The following FRMD4A variants were observed in gnomAD, a reference collection of about 807,000 sequenced individuals.
FRMD4A encodes FERM domain-containing protein 4A.
A neutral mutation model predicts 129.1 loss-of-function variants in FRMD4A; 29 were observed. The observed-to-expected ratio is 0.22, with a 90% CI of 0.17 to 0.31. FRMD4A has a LOEUF of 0.31. Ranked by LOEUF, FRMD4A falls within the 10% of genes least tolerant of loss-of-function variation. The pLI is 1.00. For synonymous variants in FRMD4A, 634 were observed against 571.6 expected (o/e 1.11, Z -1.56); for missense variants, 1,272 against 1,375.8 (o/e 0.92, Z 1.19).
Position 13,660,507 on chromosome 10 carries a change from G to C in FRMD4A, c.1707C>G (p.His569Gln). 6.2e-7 allele frequency: 1 copy of C among 1,613,866 alleles called. No homozygotes were observed. The highest frequency in any genetic ancestry group is 8.5e-7 in the Non-Finnish European group (1 of 1,179,758). Reference protein sequence around the residue: ...TSTISPLHSPHKGLPPRPPSH... With the variant: ...TSTISPLHSPQKGLPPRPPSH... The stretch of plus-strand genomic sequence containing the variant: ...ACGGTGGCCGAGGAGGGAGTCCCTT[G>C]TGAGGAGAATGTAGGGGGGATATTG... The change falls in exon 20 of 25, where the codon CAC (histidine) becomes CAG (glutamine). Residue 569 changes from histidine (H) to glutamine (Q), a missense_variant. Coordinates refer to ENST00000357447, the MANE Select transcript of FRMD4A (RefSeq NM_018027.5).
At chr10:14,327,289 C>A (rs559181430) in intron 2 of FRMD4A, among the ~76,000 whole-genome samples, 1 of 152,222 alleles carries the variant, frequency 6.6e-6, no homozygotes, top group Non-Finnish European at 1.5e-5. Flanking sequence ...AGAGTGGGAA[C>A]ACACTCCACC....
chr10:14,065,808 C>T (rs1219931242), intron 2 of FRMD4A, among the ~76,000 whole-genome samples: 1 of 152,132 alleles, frequency 6.6e-6, no homozygotes, highest in African/African-American at 2.4e-5. Context: ...CTGTGTGTCC[C>T]TGGCTGAATG....
intron 2 of FRMD4A, among the ~76,000 whole-genome samples, chr10:14,084,085 C>CA (rs1431829359): frequency 6.6e-6 from 1 of 152,228 alleles, no homozygotes; most frequent in Non-Finnish European, 1.5e-5. Context: ...GTAAAGCACT[C>CA]ACAGCCCTGA....
intron 15 of FRMD4A, chr10:13,684,616 C>T (rs915425832): frequency 7.6e-5 from 75 of 985,414 alleles, no homozygotes; most frequent in Non-Finnish European, 8.9e-5. Context: ...GTTCAGAAGA[C>T]CCTGGGCGAC....
intron 2 of FRMD4A, among the ~76,000 whole-genome samples, chr10:14,185,597 A>G (rs77062204): frequency 6.8e-6 from 1 of 146,964 alleles, no homozygotes; most frequent in African/African-American, 2.5e-5. Context: ...AAAGAGAAAC[A>G]GGTAGAGAGA....
At chr10:14,280,134 T>C (rs1845470227) in intron 2 of FRMD4A, among the ~76,000 whole-genome samples, 1 of 152,130 alleles carries the variant, frequency 6.6e-6, no homozygotes, top group South Asian at 2.1e-4. Flanking sequence ...ATTTATTTTT[T>C]AGGGACGATG....
chr10:14,114,164 T>C (rs1334147230), intron 2 of FRMD4A, among the ~76,000 whole-genome samples: 1 of 152,270 alleles, frequency 6.6e-6, no homozygotes, highest in Non-Finnish European at 1.5e-5. Context: ...TCTGGGAAGA[T>C]GGCTTGGGCT....
intron 2 of FRMD4A, among the ~76,000 whole-genome samples, chr10:13,890,223 A>G (rs1210902513): frequency 1.3e-5 from 2 of 152,246 alleles, no homozygotes; most frequent in African/African-American, 4.8e-5. Flanking sequence ...TTTAAAGACC[A>G]AAAACAAAAC....
At chr10:13,661,091 G>A (rs2082608234) in intron 19 of FRMD4A, among the ~76,000 whole-genome samples, 1 of 152,166 alleles carries the variant, frequency 6.6e-6, no homozygotes, top group South Asian at 2.1e-4. Context: ...GGTGGATCGG[G>A]TGTCTACTCT....
At chr10:13,848,757 A>G (rs1277700810) in intron 3 of FRMD4A, among the ~76,000 whole-genome samples, 4 of 152,168 alleles carry the variant, frequency 2.6e-5, no homozygotes, top group Non-Finnish European at 5.9e-5. Context: ...CAGGGCAGAA[A>G]GAAAGCTTAC....
intron 13 of FRMD4A, among the ~76,000 whole-genome samples, chr10:13,703,646 T>C (rs2087097329): frequency 6.6e-6 from 1 of 152,220 alleles, no homozygotes; most frequent in Non-Finnish European, 1.5e-5. Context: ...TCCTCTTCCC[T>C]ACCTCAAATA....
At chr10:13,918,025 C>G (rs1038594163) in intron 2 of FRMD4A, among the ~76,000 whole-genome samples, 2 of 152,304 alleles carry the variant, frequency 1.3e-5, no homozygotes, top group Non-Finnish European at 2.9e-5. Flanking sequence ...TTTCCCAGTG[C>G]GGAGAATTCA....
At chr10:13,652,384 C>T (rs1257727549) in intron 23 of FRMD4A, 1 of 204,346 alleles carries the variant, frequency 4.9e-6, no homozygotes, top group Non-Finnish European at 9.9e-6. Context: ...CCAAATAATA[C>T]AATCAATCAT....
chr10:14,059,983 G>A (rs748621964), intron 2 of FRMD4A, among the ~76,000 whole-genome samples: 10 of 152,130 alleles, frequency 6.6e-5, no homozygotes, highest in African/African-American at 1.7e-4. Context: ...GTGCTAACTC[G>A]CTAACTCAAC....
intron 6 of FRMD4A, among the ~76,000 whole-genome samples, chr10:13,773,307 G>A (rs553983787): frequency 2.0e-5 from 3 of 152,070 alleles, no homozygotes; most frequent in Non-Finnish European, 4.4e-5. Context: ...TTCAGTCCAC[G>A]CTGGAGACTT....
At chr10:13,731,477 C>T (rs755587417) in intron 12 of FRMD4A, among the ~76,000 whole-genome samples, 1 of 151,980 alleles carries the variant, frequency 6.6e-6, no homozygotes, top group African/African-American at 2.4e-5. Flanking sequence ...GGTGAAACCC[C>T]GTCTCTACTA....
intron 2 of FRMD4A, among the ~76,000 whole-genome samples, chr10:14,194,529 G>C (rs1004218818): frequency 6.6e-6 from 1 of 152,094 alleles, no homozygotes; most frequent in African/African-American, 2.4e-5. Context: ...GAGAATGGCG[G>C]GAACCCGGGA....
chr10:14,037,707 C>T (rs1430277387), intron 2 of FRMD4A, among the ~76,000 whole-genome samples: 1 of 152,078 alleles, frequency 6.6e-6, no homozygotes, highest in African/African-American at 2.4e-5. Flanking sequence ...GGAGGTTATA[C>T]CAATTTATAT....
At chr10:13,970,337 G>A (rs938150412) in intron 2 of FRMD4A, among the ~76,000 whole-genome samples, 2 of 152,170 alleles carry the variant, frequency 1.3e-5, no homozygotes, top group Non-Finnish European at 1.5e-5. Context: ...CAGGGGTCCT[G>A]CGGGGCTGTG....
Sources: gnomAD v4.1 joint callset for allele counts (sites outside exome capture counted in the v4.1 genomes callset) on GRCh38, gnomAD v4.1.1 for gene constraint, MANE v1.5 for transcripts, NCBI Gene and HGNC (gene_info 2026-07-23, HGNC 2026-07-21) for gene names.